The following DIAPH3 variants were observed in gnomAD, a reference collection of about 807,000 sequenced individuals.
DIAPH3 encodes protein diaphanous homolog 3.
A neutral mutation model predicts 144.3 loss-of-function variants in DIAPH3; 117 were observed. The observed-to-expected ratio is 0.81, with a 90% CI of 0.70 to 0.95. DIAPH3 has a LOEUF of 0.95. Ranked by LOEUF, DIAPH3 falls within the 40% of genes least tolerant of loss-of-function variation. DIAPH3 has a pLI of 0.00. For synonymous variants in DIAPH3, 519 were observed against 488.9 expected, an observed-to-expected ratio of 1.06 and a Z score of -0.81; for missense variants, 1,421 against 1,412.7, an observed-to-expected ratio of 1.01 and a Z score of -0.09.
chr13:59,906,873 T>C (rs1229194610), intron 20 of DIAPH3, among the ~76,000 whole-genome samples: 1 of 152,222 alleles, frequency 6.6e-6, no homozygotes, highest in African/African-American at 2.4e-5. Context: ...ACATAAATCA[T>C]TTCTCACAGT....
intron 2 of DIAPH3, among the ~76,000 whole-genome samples, chr13:60,120,476 G>C (rs911082127): frequency 2.6e-5 from 4 of 152,118 alleles, no homozygotes; most frequent in African/African-American, 9.7e-5. Flanking sequence ...TTTAGCCAGA[G>C]GCTTCTTTGA....
chr13:59,670,613 T>C (rs534524287), intron 27 of DIAPH3, among the ~76,000 whole-genome samples: 1,986 of 150,882 alleles, frequency 0.013, 19 homozygotes, highest in Middle Eastern at 0.031. Context: ...GAGACAGTCT[T>C]GCTCTGTCGC....
chr13:59,723,512 A>T (rs2035448345), intron 27 of DIAPH3, among the ~76,000 whole-genome samples: 1 of 152,066 alleles, frequency 6.6e-6, no homozygotes, highest in Non-Finnish European at 1.5e-5. Flanking sequence ...ACCAATCTAT[A>T]GCTCACTTGA....
At chr13:60,066,235 A>G (rs977248610) in intron 4 of DIAPH3, among the ~76,000 whole-genome samples, 1 of 152,122 alleles carries the variant, frequency 6.6e-6, no homozygotes, top group Admixed American at 6.6e-5. Context: ...TTTTTTTAAT[A>G]ATAATCAATA....
At chr13:59,845,042 CTTTTTCCTTT>C (rs1320083215) in intron 22 of DIAPH3, among the ~76,000 whole-genome samples, 1 of 56,364 alleles carries the variant, frequency 1.8e-5, no homozygotes, top group Admixed American at 2.1e-4. Flanking sequence ...CATTTTTTTC[CTTTTTCCTTT>C]TTTTTCTTTT....
intron 20 of DIAPH3, among the ~76,000 whole-genome samples, chr13:59,908,046 A>G (rs576527698): frequency 2.0e-5 from 3 of 152,282 alleles, no homozygotes; most frequent in Admixed American, 6.5e-5. Context: ...ATAGAGCCCT[A>G]GAAAACTGTA....
rs1222033029 is a variant in DIAPH3, at chr13:60,163,754, G to C, written c.13C>G (p.Gln5Glu). ...TGGGCCGGGTGGTGCAGCCGCGGCT[G>C]GTGCCGTTCCATCTTTCCCCGCAGC... is the stretch of plus-strand genomic sequence containing the variant. Reference protein sequence around the residue: MERHQPRLHHPAQGS... With the variant: MERHEPRLHHPAQGS... The change falls in exon 1 of 28, where the codon CAG becomes GAG. Residue 5 changes from glutamine (Q) to glutamate (E), a missense_variant. Gln to Glu is a conservative substitution (Grantham distance 29, BLOSUM62 2). Coordinates refer to ENST00000400324, the MANE Select transcript of DIAPH3 (RefSeq NM_001042517.2). 1 of 1,591,656 alleles carries C rather than the reference G, an allele frequency of 6.3e-7. No individual in the cohort carries two copies. Among genetic ancestry groups the C allele is most frequent in the Non-Finnish European group, 8.5e-7 (1 of 1,170,020 alleles).
At chr13:59,963,011 T>G (rs553787638) in intron 17 of DIAPH3, among the ~76,000 whole-genome samples, 125 of 151,926 alleles carry the variant, frequency 8.2e-4, no homozygotes, top group South Asian at 7.9e-3. Context: ...AGTATGTGGG[T>G]TTTTTTTCCT....
chr13:60,100,997 T>A (rs2058253662), intron 3 of DIAPH3, among the ~76,000 whole-genome samples: 1 of 152,096 alleles, frequency 6.6e-6, no homozygotes, highest in Non-Finnish European at 1.5e-5. Context: ...TTACATTTCC[T>A]CCTATTTTCA....
intron 27 of DIAPH3, among the ~76,000 whole-genome samples, chr13:59,683,917 G>A (rs955111858): frequency 6.6e-6 from 1 of 152,172 alleles, no homozygotes; most frequent in South Asian, 2.1e-4. Context: ...CAATGGTGAT[G>A]ATGGTAATGC....
intron 20 of DIAPH3, among the ~76,000 whole-genome samples, chr13:59,895,556 A>G (rs1484511563): frequency 6.6e-6 from 1 of 152,188 alleles, no homozygotes; most frequent in African/African-American, 2.4e-5. Flanking sequence ...AAAGCGAAAA[A>G]GGGAAGAAAA....
At chr13:59,879,068 A>C (rs1209785842) in intron 21 of DIAPH3, among the ~76,000 whole-genome samples, 161 bp downstream of exon 21, 1 of 152,174 alleles carries the variant, frequency 6.6e-6, no homozygotes, top group Non-Finnish European at 1.5e-5. Context: ...TCAGAGGTTG[A>C]GTAAATTAGC....
chr13:59,868,665 T>C (rs894321628), intron 21 of DIAPH3, among the ~76,000 whole-genome samples: 1 of 152,140 alleles, frequency 6.6e-6, no homozygotes, highest in Non-Finnish European at 1.5e-5. Flanking sequence ...CACTACAATG[T>C]TATACAGAAT....
chr13:60,013,398 A>C (rs2053413804), intron 7 of DIAPH3: 1 of 182,214 alleles, frequency 5.5e-6, no homozygotes. Flanking sequence ...AGCAGAAATA[A>C]TGTGGTTAAA....
intron 21 of DIAPH3, among the ~76,000 whole-genome samples, chr13:59,871,304 G>A (rs1443177708): frequency 1.3e-5 from 2 of 151,300 alleles, no homozygotes; most frequent in Non-Finnish European, 2.9e-5. Context: ...TTGTCTTACT[G>A]TACTAGCCAG....
intron 2 of DIAPH3, among the ~76,000 whole-genome samples, chr13:60,125,605 C>T (rs2058971064): frequency 2.6e-5 from 4 of 151,978 alleles, no homozygotes; most frequent in Admixed American, 2.6e-4. Context: ...CTTTGTATTC[C>T]CTAGAAGGTT....
At chr13:60,077,802 G>A (rs1048709051) in intron 4 of DIAPH3, among the ~76,000 whole-genome samples, 5 of 152,050 alleles carry the variant, frequency 3.3e-5, no homozygotes, top group African/African-American at 9.7e-5. Flanking sequence ...CTGGGTGCAC[G>A]CACAGTGGCA....
intron 1 of DIAPH3, among the ~76,000 whole-genome samples, chr13:60,151,426 A>C (rs9598091): frequency 0.53 from 80,537 of 152,006 alleles, 21,798 homozygotes; most frequent in Admixed American, 0.59. Flanking sequence ...TCAGAGCCAC[A>C]TTGCCAGGCC....
rs1388269265 is a variant in DIAPH3 at position 60,105,116 on chromosome 13, A to AAAAAAAC, written c.390+6893_390+6894insGTTTTTT. ...CACGATCTCAAAAAAAAAAAAAAAA[A>AAAAAAAC]AAAAAAAAACTGCCAGTGATGAAAA... On this transcript the variant is annotated intron_variant, in intron 3 of 27. Coordinates refer to ENST00000400324, the MANE Select transcript of DIAPH3 (RefSeq NM_001042517.2). 5.3e-5 allele frequency among the ~76,000 whole-genome samples: 8 copies of AAAAAAAC among 150,948 alleles called. 1 individual carries two copies. The South Asian group carries it at 8.4e-4, about 16-fold the overall frequency.
Sources: allele counts gnomAD v4.1 joint callset (sites outside exome capture counted in the v4.1 genomes callset), GRCh38; gene constraint gnomAD v4.1.1; transcripts MANE v1.5; gene names NCBI Gene and HGNC (gene_info 2026-07-23, HGNC 2026-07-21).